RIMKLA: variants seen among roughly 807,000 people sequenced by gnomAD.
RIMKLA encodes the protein ribosomal modification protein rimK like family member A, also known as N-acetylaspartylglutamate synthase A.
RIMKLA carries 14 observed loss-of-function variants against 32.7 expected under a neutral mutation model. The observed-to-expected ratio is 0.43, with a 90% CI of 0.28 to 0.67. RIMKLA has a LOEUF of 0.67. Among genes scored for constraint, RIMKLA ranks in the 30% least tolerant of loss-of-function variants. The probability of loss-of-function intolerance (pLI) is 0.18; values close to 1 mark genes in which losing one functional copy is unlikely to be tolerated. For missense variants in RIMKLA, 410 were observed against 519.0 expected (o/e 0.79, Z 2.04); for synonymous variants, 176 against 204.1 (o/e 0.86, Z 1.18).
At chr1:42,383,479 A>G (rs1205423830) in intron 1 of RIMKLA, among the ~76,000 whole-genome samples, 4 of 152,154 alleles carry the variant, frequency 2.6e-5, no homozygotes, top group Non-Finnish European at 4.4e-5. Context: ...CTCAATACAT[A>G]TTTTTTTAAA....
chr1:42,385,842 T>TTCTCTTTC (rs1642937021), intron 1 of RIMKLA, among the ~76,000 whole-genome samples: 1 of 63,500 alleles, frequency 1.6e-5, no homozygotes, highest in Admixed American at 1.7e-4. Context: ...CTTTCTTTCT[T>TTCTCTTTC]TCTCTTTCTT....
chr1:42,385,763 C>CTTTCT (rs1369965655), intron 1 of RIMKLA, among the ~76,000 whole-genome samples: 1 of 92,568 alleles, frequency 1.1e-5, no homozygotes, highest in Non-Finnish European at 2.4e-5. Context: ...TTCTTTCTTT[C>CTTTCT]TTTCTTTGTT....
At chr1:42,384,487 GTA>G (rs539137979) in intron 1 of RIMKLA, among the ~76,000 whole-genome samples, 6 of 148,162 alleles carry the variant, frequency 4.0e-5, no homozygotes, top group African/African-American at 1.2e-4. Flanking sequence ...GTGTGTGTGT[GTA>G]TATATATATA....
chr1:42,401,268 T>C (rs1643094627), intron 2 of RIMKLA, among the ~76,000 whole-genome samples: 1 of 152,142 alleles, frequency 6.6e-6, no homozygotes, highest in South Asian at 2.1e-4. Context: ...CCTCCTGATG[T>C]GCCGCCCGGT....
chr1:42,391,890 G>A (rs949228404), intron 1 of RIMKLA, among the ~76,000 whole-genome samples: 12 of 152,130 alleles, frequency 7.9e-5, no homozygotes, highest in Admixed American at 4.6e-4. Flanking sequence ...GACCCAAAGC[G>A]ATTTTTGTGT....
At position 42,388,924 on chromosome 1, in the gene RIMKLA, G is replaced by C. The variant is rs78404252; in HGVS notation, c.163+7827G>C. ...ACTAGAGGCACCAAGAGCAGAAGTA[G>C]GGAGGTTGCTTAGGAGGTTATTGCT... On this transcript the variant is annotated intron_variant, in intron 1 of 4. Coordinates refer to ENST00000431473, the MANE Select transcript of RIMKLA (RefSeq NM_173642.4). Among the ~76,000 whole-genome samples, 720 of 152,328 alleles carry C rather than the reference G, an allele frequency of 4.7e-3. 3 individuals carry two copies. Among genetic ancestry groups the C allele is most frequent in the Non-Finnish European group, 6.6e-3 (451 of 68,020 alleles).
chr1:42,392,147 T>C (rs1643004884), intron 1 of RIMKLA, among the ~76,000 whole-genome samples: 1 of 152,206 alleles, frequency 6.6e-6, no homozygotes, highest in Non-Finnish European at 1.5e-5. Flanking sequence ...CTTCAGAGTT[T>C]AGAGGCATGA....
intron 1 of RIMKLA, among the ~76,000 whole-genome samples, chr1:42,394,729 A>G (rs1437458649): frequency 5.3e-5 from 8 of 151,650 alleles, no homozygotes; most frequent in Admixed American, 1.3e-4. Flanking sequence ...GCGTAAGTCC[A>G]GTTATGAAGA....
chr1:42,383,180 C>G (rs191304809), intron 1 of RIMKLA, among the ~76,000 whole-genome samples: 9 of 152,094 alleles, frequency 5.9e-5, no homozygotes, highest in Admixed American at 3.9e-4. Flanking sequence ...GCCACCGCGT[C>G]CGGCCTGTTC....
rs986732285 is a variant in RIMKLA at position 42,422,757 on chromosome 1, A to AATT, written c.*7784_*7786dup. On this transcript the variant is annotated 3_prime_UTR_variant, in exon 5 of 5. Transcript: ENST00000431473. ...CACCAGCTGCGTTCTGAAAAACTAT[A>AATT]ATTTTCCTTTCAAACGCAGAGTGCC... is the stretch of plus-strand genomic sequence containing the variant. Among the ~76,000 whole-genome samples the AATT allele has an allele frequency of 1.3e-5, 2 of 152,210 alleles. No homozygotes were observed. The highest frequency in any genetic ancestry group is 2.4e-5 in the African/African-American group (1 of 41,448).
Position 42,418,055 on chromosome 1 carries a change from C to T in RIMKLA, c.*3081C>T, listed in dbSNP as rs1365819122. The stretch of plus-strand genomic sequence containing the variant: ...ACTTCCAGCCAGGGAAACTTAAGAC[C>T]TGAAAGGAATAAGGCTCTTTGTGTA... On this transcript the variant is annotated 3_prime_UTR_variant, in exon 5 of 5. Transcript: ENST00000431473. 6.6e-6 allele frequency: 1 copy of T among 152,130 alleles called. No homozygotes were observed. The highest frequency in any genetic ancestry group is 2.4e-5 in the African/African-American group (1 of 41,412). 9.4% of individuals were successfully genotyped at this position (152,130 alleles called of 1,614,324 possible).
rs1333662504 is a variant in RIMKLA at position 42,421,717 on chromosome 1, G to C, written c.*6743G>C. ...GTGGTTTGCACTGGCCCATGAGAGT[G>C]GATTGTTGAATTTCCAGGAATTTTG... is the stretch of plus-strand genomic sequence containing the variant. On this transcript the variant is annotated 3_prime_UTR_variant, in exon 5 of 5. Coordinates refer to ENST00000431473, the MANE Select transcript of RIMKLA (RefSeq NM_173642.4). This position sits in a 1 kb window ranked among gnomAD's most constrained non-coding sequence, Gnocchi z 4.6. 1 of 152,030 alleles carries C rather than the reference G, an allele frequency of 6.6e-6. No homozygotes were observed. The highest frequency in any genetic ancestry group is 1.5e-5 in the Non-Finnish European group (1 of 68,008). The allele number at this position is 152,030 out of a possible 1,614,324, so 9.4% of individuals were successfully genotyped here.
intron 4 of RIMKLA, among the ~76,000 whole-genome samples, chr1:42,413,501 CAAAA>C (rs201462707): frequency 3.2e-5 from 4 of 125,586 alleles, no homozygotes; most frequent in African/African-American, 6.1e-5. Context: ...AAGAGTCTCT[CAAAA>C]AAAAAAAAAA....
chr1:42,391,303 G>A (rs1317213981), intron 1 of RIMKLA, among the ~76,000 whole-genome samples: 1 of 152,166 alleles, frequency 6.6e-6, no homozygotes, highest in East Asian at 1.9e-4. Flanking sequence ...TTCAAGAACA[G>A]AGGGAGTGAC....
intron 3 of RIMKLA, 148 bp downstream of exon 3, chr1:42,404,745 C>A: frequency 1.7e-6 from 1 of 599,934 alleles, no homozygotes; most frequent in Non-Finnish European, 3.0e-6. Flanking sequence ...GTCCTCTGTT[C>A]TTGCTTTTGT....
In RIMKLA at chr1:42,419,012, C is replaced by G. The variant is rs765282716; in HGVS notation, c.*4038C>G. 4 of 152,088 alleles carry G rather than the reference C, an allele frequency of 2.6e-5. No homozygotes were observed. The highest frequency in any genetic ancestry group is 5.9e-5 in the Non-Finnish European group (4 of 68,034). The allele number at this position is 152,088 out of a possible 1,614,324, so 9.4% of individuals were successfully genotyped here. A position where few individuals can be genotyped will look rare whatever the true frequency, so the allele number is the denominator to read the frequency against. On this transcript the variant is annotated 3_prime_UTR_variant, in exon 5 of 5. Transcript: ENST00000431473. ...GAAAATAGCCATATTTGTCACTGTC[C>G]CTAAAGTGAATGTTCATAGATCTGG...
At chr1:42,398,370 G>A (rs1338226878) in intron 1 of RIMKLA, among the ~76,000 whole-genome samples, 3 of 152,184 alleles carry the variant, frequency 2.0e-5, no homozygotes, top group South Asian at 2.1e-4. Context: ...GTCTTTGGAT[G>A]CATTCTAGTT....
chr1:42,407,680 A>G (rs558665579), intron 3 of RIMKLA, among the ~76,000 whole-genome samples: 1 of 152,302 alleles, frequency 6.6e-6, no homozygotes, highest in South Asian at 2.1e-4. Flanking sequence ...TTCTTTTGAT[A>G]TAGTTCTATA....
chr1:42,424,171 A>G lies in RIMKLA; in HGVS notation c.*9197A>G, dbSNP rs963584358. 2.0e-5 allele frequency among the ~76,000 whole-genome samples: 3 copies of G among 152,234 alleles called. No individual in the cohort carries two copies. Among genetic ancestry groups the G allele is most frequent in the East Asian group, 3.8e-4 (2 of 5,204 alleles). ...TCATTTTGGTGATTGTTCTAATAAG[A>G]ATACGTAAGAATGTGTCCTTGTTTT... is the stretch of plus-strand genomic sequence containing the variant. On this transcript the variant is annotated 3_prime_UTR_variant, in exon 5 of 5. Transcript: ENST00000431473.
Sources: gnomAD v4.1 joint callset for allele counts (sites outside exome capture counted in the v4.1 genomes callset) on GRCh38, gnomAD v4.1.1 for gene constraint, Gnocchi (gnomAD v3.1) non-coding constraint, MANE v1.5 for transcripts, NCBI Gene and HGNC (gene_info 2026-07-23, HGNC 2026-07-21) for gene names.